SAMD4A: variants seen among roughly 807,000 people sequenced by gnomAD.
SAMD4A encodes the protein protein Smaug homolog 1.
In SAMD4A, 33 loss-of-function variants were observed where a neutral mutation model predicts 81.3. The ratio of observed to expected loss-of-function variants is 0.41; its 90% CI spans 0.31 to 0.54. The LOEUF is 0.54. Among genes scored for constraint, SAMD4A ranks in the 20% least tolerant of loss-of-function variants. The pLI is 0.37. For synonymous variants in SAMD4A, 389 were observed against 382.1 expected, an observed-to-expected ratio of 1.02 and a Z score of -0.21; for missense variants, 854 against 951.1, an observed-to-expected ratio of 0.90 and a Z score of 1.34.
chr14:54,778,668 T>TAAAG (rs2139956603), intron 11 of SAMD4A, among the ~76,000 whole-genome samples: 1 of 152,288 alleles, frequency 6.6e-6, no homozygotes, highest in Admixed American at 6.5e-5. Context: ...AGCAAGGTCT[T>TAAAG]AAAGATCCTC....
intron 2 of SAMD4A, among the ~76,000 whole-genome samples, chr14:54,629,834 G>T (rs903709756): frequency 1.3e-5 from 2 of 151,846 alleles, no homozygotes; most frequent in Non-Finnish European, 2.9e-5. Flanking sequence ...AAACAATCAC[G>T]CCCCATTACT....
chr14:54,620,995 C>T (rs1340214402), intron 2 of SAMD4A, among the ~76,000 whole-genome samples: 1 of 152,196 alleles, frequency 6.6e-6, no homozygotes, highest in Non-Finnish European at 1.5e-5. Context: ...GTCTCTCAAA[C>T]TCCTGGCCTC....
At chr14:54,592,007 C>T (rs1226026281) in intron 2 of SAMD4A, among the ~76,000 whole-genome samples, 1 of 151,984 alleles carries the variant, frequency 6.6e-6, no homozygotes, top group East Asian at 1.9e-4. Flanking sequence ...TCCATGTGTG[C>T]GTGCCTTAAG....
chr14:54,650,883 T>G (rs967675335), intron 2 of SAMD4A, among the ~76,000 whole-genome samples: 2 of 152,204 alleles, frequency 1.3e-5, no homozygotes, highest in Non-Finnish European at 2.9e-5. Flanking sequence ...TTGCTTGACC[T>G]TTTAGTTATT....
chr14:54,594,336 T>C (rs1219929737), intron 2 of SAMD4A, among the ~76,000 whole-genome samples: 1 of 152,054 alleles, frequency 6.6e-6, no homozygotes, highest in East Asian at 1.9e-4. Flanking sequence ...GGTAGGAGGA[T>C]TGCTTGAGCC....
In SAMD4A at chr14:54,760,256, C is replaced by A. The variant is rs2038357596; in HGVS notation, c.1272C>A (p.Thr424=). 5 of 1,613,062 alleles carry A rather than the reference C, an allele frequency of 3.1e-6. No individual in the cohort carries two copies. The highest frequency in any genetic ancestry group is 2.2e-5 in the East Asian group (1 of 44,854). Residue 424 remains threonine, a synonymous_variant, in exon 7 of 13, where the codon ACC becomes ACA. Transcript: ENST00000554335. The stretch of plus-strand genomic sequence containing the variant: ...AGGCCTACAGCTCCCCGAGCACCAC[C>A]CCCGAGGCTCGCCGCCGGGAGCCCC... ...PIKAYSSPST[T]PEARRREPQA...
intron 2 of SAMD4A, among the ~76,000 whole-genome samples, chr14:54,583,702 A>G (rs532504884): frequency 6.6e-6 from 1 of 152,334 alleles, no homozygotes; most frequent in Non-Finnish European, 1.5e-5. Context: ...TTCTTCTAAC[A>G]CACTTGAATA....
At chr14:54,685,440 C>A (rs546955798) in intron 2 of SAMD4A, among the ~76,000 whole-genome samples, 1 of 152,194 alleles carries the variant, frequency 6.6e-6, no homozygotes, top group Non-Finnish European at 1.5e-5. Flanking sequence ...AATTTCCTTC[C>A]TTGTTGAGGC....
intron 2 of SAMD4A, among the ~76,000 whole-genome samples, chr14:54,655,449 G>A (rs2035497574): frequency 6.6e-6 from 1 of 152,088 alleles, no homozygotes. Context: ...ATAGATCCAG[G>A]AGCCGGGCGC....
chr14:54,614,522 A>C (rs1250761221), intron 2 of SAMD4A, among the ~76,000 whole-genome samples: 1 of 152,206 alleles, frequency 6.6e-6, no homozygotes, highest in African/African-American at 2.4e-5. Flanking sequence ...TTAATAACAA[A>C]AGGGACTTTT....
intron 2 of SAMD4A, among the ~76,000 whole-genome samples, chr14:54,678,907 C>A (rs931882168): frequency 1.9e-4 from 29 of 152,182 alleles, no homozygotes; most frequent in African/African-American, 6.8e-4. Flanking sequence ...TTTTATGCTA[C>A]CTTCTTGTGG....
intron 2 of SAMD4A, among the ~76,000 whole-genome samples, chr14:54,664,246 G>A (rs1180287235): frequency 6.6e-6 from 1 of 152,140 alleles, no homozygotes; most frequent in Non-Finnish European, 1.5e-5. Flanking sequence ...ATACAGGAAA[G>A]ATAATTAGGA....
intron 2 of SAMD4A, among the ~76,000 whole-genome samples, chr14:54,603,281 A>G (rs527698833): frequency 6.6e-6 from 1 of 152,382 alleles, no homozygotes; most frequent in South Asian, 2.1e-4. Flanking sequence ...TTAAAAACAA[A>G]ACTATTTTAA....
chr14:54,610,127 G>A (rs1566545929), intron 2 of SAMD4A, among the ~76,000 whole-genome samples: 1 of 152,024 alleles, frequency 6.6e-6, no homozygotes, highest in Non-Finnish European at 1.5e-5. Context: ...TCCAGAACTA[G>A]ATCACTTTCA....
At chr14:54,689,104 G>T (rs2036362223) in intron 2 of SAMD4A, among the ~76,000 whole-genome samples, 2 of 151,932 alleles carry the variant, frequency 1.3e-5, no homozygotes, top group African/African-American at 4.8e-5. Context: ...GCTAATTTTT[G>T]TATTTTTAGT....
intron 11 of SAMD4A, among the ~76,000 whole-genome samples, chr14:54,777,870 A>G (rs1321848154): frequency 6.6e-6 from 1 of 152,158 alleles, no homozygotes; most frequent in Non-Finnish European, 1.5e-5. Flanking sequence ...AAAATATAAC[A>G]ATATAATTAC....
chr14:54,589,677 G>A (rs1054655838), intron 2 of SAMD4A, among the ~76,000 whole-genome samples: 4 of 152,192 alleles, frequency 2.6e-5, no homozygotes, highest in Non-Finnish European at 4.4e-5. Flanking sequence ...TGTGTTAGAG[G>A]TTGAGAGTCC....
At chr14:54,780,913 C>T (rs2038983997) in intron 11 of SAMD4A, among the ~76,000 whole-genome samples, 2 of 152,040 alleles carry the variant, frequency 1.3e-5, no homozygotes, top group Non-Finnish European at 2.9e-5. Context: ...CCTGCTGCCC[C>T]ACCCCTCTGT....
intron 3 of SAMD4A, among the ~76,000 whole-genome samples, chr14:54,736,263 GA>G (rs2037688631): frequency 6.6e-6 from 1 of 152,194 alleles, no homozygotes; most frequent in Non-Finnish European, 1.5e-5. Context: ...TAGAAGGGCT[GA>G]ACATGCTGGT....
Sources: gnomAD v4.1 joint callset for allele counts (sites outside exome capture counted in the v4.1 genomes callset) on GRCh38, gnomAD v4.1.1 for gene constraint, MANE v1.5 for transcripts, NCBI Gene and HGNC (gene_info 2026-07-23, HGNC 2026-07-21) for gene names.